Variants in APBB2 observed in about 807,000 individuals in gnomAD.
APBB2 encodes the protein amyloid beta precursor protein binding family B member 2, also known as Fe65-like 1.
A neutral mutation model predicts 82.5 loss-of-function variants in APBB2; 38 were observed. The ratio of observed to expected loss-of-function variants is 0.46; its 90% CI spans 0.36 to 0.60. APBB2 has a LOEUF of 0.60. Ranked by LOEUF, APBB2 falls within the 20% of genes least tolerant of loss-of-function variation. APBB2 has a pLI of 0.00. For missense variants in APBB2, 772 were observed against 972.3 expected, an observed-to-expected ratio of 0.79 and a Z score of 2.74; for synonymous variants, 341 against 368.2, an observed-to-expected ratio of 0.93 and a Z score of 0.85.
chr4:41,118,884 A>G (rs944074990), intron 2 of APBB2, among the ~76,000 whole-genome samples: 4 of 152,206 alleles, frequency 2.6e-5, no homozygotes, highest in Admixed American at 2.6e-4. Context: ...TCACGCCTGT[A>G]ATTCTAGCAC....
chr4:41,178,265 G>C (rs1379285955), intron 1 of APBB2, among the ~76,000 whole-genome samples: 2 of 152,060 alleles, frequency 1.3e-5, no homozygotes, highest in Non-Finnish European at 2.9e-5. Context: ...CCAATCCTTT[G>C]TCAATCTATC....
rs561661936 is a variant in APBB2 at position 41,012,679 on chromosome 4, G to A, written c.835+904C>T. 2.1e-4 allele frequency among the ~76,000 whole-genome samples: 32 copies of A among 151,984 alleles called. No homozygotes were observed. In the East Asian group the frequency reaches 4.1e-3, roughly 19 times the overall value. On this transcript the variant is annotated intron_variant, in intron 6 of 17. Coordinates refer to ENST00000508593, the MANE Select transcript of APBB2 (RefSeq NM_004307.2). ...AAAAATGTGATTTCCTTCCCTGGTG[G>A]TTCTATCTATTTTCTTTGTTATATC...
intron 2 of APBB2, among the ~76,000 whole-genome samples, chr4:41,109,330 C>T (rs945751375): frequency 7.3e-5 from 11 of 151,316 alleles, no homozygotes; most frequent in South Asian, 2.1e-4. Flanking sequence ...CTTGCTCTGT[C>T]GCCAGGCTGG....
intron 6 of APBB2, among the ~76,000 whole-genome samples, chr4:41,009,513 C>G (rs1000912434): frequency 7.2e-5 from 11 of 152,166 alleles, no homozygotes. Flanking sequence ...AGAAAGTAGT[C>G]AGTCTCTAGG....
chr4:41,141,090 A>C (rs55695214), intron 2 of APBB2, among the ~76,000 whole-genome samples: 10,201 of 152,218 alleles, frequency 0.067, 488 homozygotes, highest in Non-Finnish European at 0.1. Context: ...CATACCAAAC[A>C]GGTTGGGGAC....
intron 12 of APBB2, among the ~76,000 whole-genome samples, chr4:40,855,351 TA>T (rs1760837562): frequency 6.6e-6 from 1 of 152,228 alleles, no homozygotes; most frequent in Non-Finnish European, 1.5e-5. Flanking sequence ...AAATACTTAT[TA>T]AATAAATTAT....
At position 41,182,386 on chromosome 4, in the gene APBB2, A is replaced by G. The variant is rs192289522; in HGVS notation, c.-417+32019T>C. ...GCCTTCTTGGTGATCTCACCAAGGT[A>G]ACCTTGGTTAATCTCACAGCTTCAA... On this transcript the variant is annotated intron_variant, in intron 1 of 17. Coordinates refer to ENST00000508593, the MANE Select transcript of APBB2 (RefSeq NM_004307.2). Among the ~76,000 whole-genome samples, 4 of 152,320 alleles carry G rather than the reference A, an allele frequency of 2.6e-5. No homozygotes were observed. The East Asian group carries it at 7.7e-4, about 29-fold the overall frequency.
At chr4:41,138,017 A>T (rs1307321328) in intron 2 of APBB2, 1 of 152,102 alleles carries the variant, frequency 6.6e-6, no homozygotes, top group African/African-American at 2.4e-5. Flanking sequence ...AAATACAAAA[A>T]ATTAGCCAGG....
intron 6 of APBB2, among the ~76,000 whole-genome samples, chr4:41,003,371 T>C (rs1805761968): frequency 6.6e-6 from 1 of 152,186 alleles, no homozygotes; most frequent in Non-Finnish European, 1.5e-5. Flanking sequence ...TCACATCTCC[T>C]CCATGTTGCA....
In APBB2 at chr4:40,943,809, T is replaced by C. The variant is rs1488030737; in HGVS notation, c.1044+1056A>G. On this transcript the variant is annotated intron_variant, in intron 7 of 17. Coordinates refer to ENST00000508593, the MANE Select transcript of APBB2 (RefSeq NM_004307.2). ...GTAAACCAAAGTCCTTGCCTACCAA[T>C]GAGGGTATGGCTGCCCCAGCCCATC... Among the ~76,000 whole-genome samples the C allele has an allele frequency of 3.3e-5, 5 of 152,308 alleles. 1 individual carries two copies. In the South Asian group the frequency reaches 8.3e-4, roughly 25 times the overall value.
At chr4:41,115,311 C>A (rs1321495153) in intron 2 of APBB2, among the ~76,000 whole-genome samples, 6 of 152,122 alleles carry the variant, frequency 3.9e-5, no homozygotes, top group African/African-American at 1.4e-4. Flanking sequence ...ACAACTTATA[C>A]AAAAATTAAC....
chr4:40,985,072 C>T (rs1418488747), intron 6 of APBB2, among the ~76,000 whole-genome samples: 2 of 151,998 alleles, frequency 1.3e-5, no homozygotes, highest in African/African-American at 4.8e-5. Flanking sequence ...AAGGCACCAC[C>T]ACACCCAGCT....
At chr4:40,971,270 C>A (rs1163103515) in intron 6 of APBB2, among the ~76,000 whole-genome samples, 1 of 152,130 alleles carries the variant, frequency 6.6e-6, no homozygotes, top group Non-Finnish European at 1.5e-5. Flanking sequence ...GAGAAACAAA[C>A]CAGTGACTTT....
chr4:40,848,959 C>G, intron 12 of APBB2: 1 of 966,818 alleles, frequency 1.0e-6, no homozygotes, highest in Non-Finnish European at 1.2e-6. Context: ...AAAGCTCATG[C>G]GAGCAAGAAC....
intron 2 of APBB2, among the ~76,000 whole-genome samples, chr4:41,142,066 A>G (rs142251829): frequency 6.6e-6 from 1 of 152,168 alleles, no homozygotes; most frequent in African/African-American, 2.4e-5. Context: ...TCCAGGAAAA[A>G]TCTGGATGAT....
intron 1 of APBB2, among the ~76,000 whole-genome samples, chr4:41,207,267 C>A (rs2154079994): frequency 6.6e-6 from 1 of 151,546 alleles, no homozygotes; most frequent in South Asian, 2.1e-4. Context: ...CCTTCTTCAC[C>A]CCACAATAGC....
intron 4 of APBB2, 49 bp downstream of exon 4, chr4:41,065,527 A>G (rs530330633): frequency 2.1e-4 from 32 of 152,276 alleles, no homozygotes; most frequent in African/African-American, 6.3e-4. Flanking sequence ...ATATTCTACA[A>G]TGAAAATTAA....
chr4:40,817,493 T>TC (rs1030006455), intron 17 of APBB2, among the ~76,000 whole-genome samples: 2 of 152,186 alleles, frequency 1.3e-5, no homozygotes, highest in Non-Finnish European at 2.9e-5. Flanking sequence ...GGATTTTTTT[T>TC]CAACCAAACA....
intron 2 of APBB2, among the ~76,000 whole-genome samples, chr4:41,139,858 T>C (rs1758603490): frequency 6.6e-6 from 1 of 152,172 alleles, no homozygotes; most frequent in Non-Finnish European, 1.5e-5. Context: ...TTATGAAAGC[T>C]CATAGAACAT....
Sources: allele counts gnomAD v4.1 joint callset (sites outside exome capture counted in the v4.1 genomes callset), GRCh38; gene constraint gnomAD v4.1.1; transcripts MANE v1.5; gene names NCBI Gene and HGNC (gene_info 2026-07-23, HGNC 2026-07-21).